STXBP5L: variants seen among roughly 807,000 people sequenced by gnomAD.
STXBP5L encodes the protein syntaxin-binding protein 5-like.
STXBP5L carries 65 observed loss-of-function variants against 144.5 expected under a neutral mutation model. That is an observed-to-expected ratio of 0.45 (90% CI 0.37 to 0.55). The LOEUF (loss-of-function observed/expected upper bound fraction) is 0.55, where lower values mean the gene tolerates loss of function less well. Among genes scored for constraint, STXBP5L ranks in the 20% least tolerant of loss-of-function variants. The pLI is 0.00. For synonymous variants in STXBP5L, 505 were observed against 469.6 expected, an observed-to-expected ratio of 1.08 and a Z score of -0.97; for missense variants, 1,298 against 1,405.5, an observed-to-expected ratio of 0.92 and a Z score of 1.22.
intron 3 of STXBP5L, among the ~76,000 whole-genome samples, chr3:121,002,913 C>T (rs1180940239): frequency 1.1e-4 from 17 of 152,114 alleles, no homozygotes; most frequent in Admixed American, 1.1e-3. Context: ...GCATAGTATT[C>T]CATGGTGTAT....
intron 3 of STXBP5L, among the ~76,000 whole-genome samples, chr3:120,965,984 C>G (rs138402500): frequency 8.2e-4 from 125 of 152,052 alleles, no homozygotes; most frequent in African/African-American, 2.7e-3. Context: ...TCTTTTCACT[C>G]TTTTTTTTCT....
intron 5 of STXBP5L, among the ~76,000 whole-genome samples, chr3:121,074,894 GA>G (rs1437530967): frequency 2.6e-5 from 4 of 152,178 alleles, no homozygotes; most frequent in African/African-American, 9.7e-5. Context: ...ACATCTTGTA[GA>G]TTTGAAGTAA....
chr3:121,084,639 A>C (rs2042403436), intron 5 of STXBP5L, among the ~76,000 whole-genome samples: 1 of 151,956 alleles, frequency 6.6e-6, no homozygotes, highest in African/African-American at 2.4e-5. Context: ...CCATGTCTTT[A>C]CTCTTATGAA....
chr3:121,121,015 G>C (rs1378859674), intron 6 of STXBP5L, among the ~76,000 whole-genome samples: 1 of 151,154 alleles, frequency 6.6e-6, no homozygotes, highest in Non-Finnish European at 1.5e-5. Flanking sequence ...GATAGAGAGA[G>C]CCCAGGTCTT....
chr3:121,073,707 C>G (rs938856721), intron 5 of STXBP5L, among the ~76,000 whole-genome samples: 2 of 152,132 alleles, frequency 1.3e-5, no homozygotes. Context: ...AGGGATTCTT[C>G]CCCCCTGCCC....
At chr3:121,334,289 G>C (rs1242114504) in intron 20 of STXBP5L, among the ~76,000 whole-genome samples, 2 of 152,018 alleles carry the variant, frequency 1.3e-5, no homozygotes, top group Non-Finnish European at 2.9e-5. Context: ...AGGTCCAGAA[G>C]GATTCATGGC....
rs957849660 is a variant in STXBP5L at position 121,421,874 on chromosome 3, G to A, written c.*2777G>A. 1.3e-5 allele frequency: 2 copies of A among 152,160 alleles called. No homozygotes were observed. Among genetic ancestry groups the A allele is most frequent in the African/African-American group, 4.8e-5 (2 of 41,442 alleles). 9.4% of individuals were successfully genotyped at this position (152,160 alleles called of 1,614,324 possible). ...AATGCTTGAAAAGAAAAGGCTCTTT[G>A]AAGTAGTTAAAACGTGTCTTTCAAA... On this transcript the variant is annotated 3_prime_UTR_variant, in exon 27 of 27. Coordinates refer to ENST00000471454, the MANE Select transcript of STXBP5L (RefSeq NM_001308330.2).
intron 2 of STXBP5L, among the ~76,000 whole-genome samples, chr3:120,936,459 A>C (rs141106127): frequency 6.6e-6 from 1 of 152,240 alleles, no homozygotes; most frequent in African/African-American, 2.4e-5. Context: ...GTTTGAGATT[A>C]TGTTTATCTG....
At chr3:121,119,199 T>C (rs565700860) in intron 6 of STXBP5L, among the ~76,000 whole-genome samples, 99 of 151,652 alleles carry the variant, frequency 6.5e-4, no homozygotes, top group African/African-American at 2.4e-3. Context: ...ATTTGGACTT[T>C]TTGGTGAAAC....
chr3:121,142,624 A>T (rs969831211), intron 7 of STXBP5L, among the ~76,000 whole-genome samples: 2 of 152,000 alleles, frequency 1.3e-5, no homozygotes, highest in African/African-American at 4.8e-5. Flanking sequence ...ATAAATATAT[A>T]GAAATTAAAC....
chr3:121,138,451 G>A (rs1242864506), intron 7 of STXBP5L, among the ~76,000 whole-genome samples: 1 of 152,008 alleles, frequency 6.6e-6, no homozygotes, highest in Non-Finnish European at 1.5e-5. Context: ...AATAACCAAA[G>A]CAGTCTTGAC....
intron 5 of STXBP5L, among the ~76,000 whole-genome samples, chr3:121,057,985 T>G (rs1948578251): frequency 6.6e-6 from 1 of 152,164 alleles, no homozygotes; most frequent in African/African-American, 2.4e-5. Flanking sequence ...TTTTAAAAAT[T>G]TTTTATTATA....
At chr3:121,385,836 C>T (rs1410706500) in intron 22 of STXBP5L, among the ~76,000 whole-genome samples, 1 of 152,014 alleles carries the variant, frequency 6.6e-6, no homozygotes, top group African/African-American at 2.4e-5. Context: ...TCCATTTCTC[C>T]ATTGAAGAAC....
intron 3 of STXBP5L, among the ~76,000 whole-genome samples, chr3:120,984,544 G>T (rs1438195424): frequency 2.0e-5 from 3 of 148,734 alleles, no homozygotes; most frequent in Non-Finnish European, 3.0e-5. Context: ...AATCTTTAGG[G>T]TTTTACATAT....
intron 9 of STXBP5L, among the ~76,000 whole-genome samples, chr3:121,179,293 A>G (rs2047050439): frequency 1.3e-5 from 2 of 152,098 alleles, no homozygotes; most frequent in South Asian, 2.1e-4. Context: ...AAGCCAGTGC[A>G]CAGAGACTTT....
intron 2 of STXBP5L, among the ~76,000 whole-genome samples, chr3:120,935,723 G>A (rs1048040316): frequency 2.0e-5 from 3 of 151,946 alleles, no homozygotes; most frequent in African/African-American, 7.2e-5. Flanking sequence ...TTCCTGAAGA[G>A]AAATCTGATA....
In STXBP5L at chr3:121,302,903, C is replaced by A. The variant is rs551515005; in HGVS notation, c.2111-15572C>A. 3.9e-5 allele frequency among the ~76,000 whole-genome samples: 6 copies of A among 152,246 alleles called. No homozygotes were observed. In the South Asian group the frequency reaches 1.2e-3, roughly 32 times the overall value. Reference sequence around the variant, plus strand: ...ATTCAAGATGGATTAAAGACTTAAACATTAGACCTAAAACCATAAAAACCC... The same window carrying A: ...ATTCAAGATGGATTAAAGACTTAAAAATTAGACCTAAAACCATAAAAACCC... On this transcript the variant is annotated intron_variant, in intron 19 of 26. Coordinates refer to ENST00000471454, the MANE Select transcript of STXBP5L (RefSeq NM_001308330.2).
intron 22 of STXBP5L, among the ~76,000 whole-genome samples, chr3:121,406,914 G>C (rs2047005275): frequency 6.6e-6 from 1 of 151,868 alleles, no homozygotes; most frequent in Admixed American, 6.6e-5. Flanking sequence ...CGTGGGGTAG[G>C]AATCAGAAAA....
chr3:121,319,622 C>A (rs9834891), intron 20 of STXBP5L, among the ~76,000 whole-genome samples: 1 of 152,032 alleles, frequency 6.6e-6, no homozygotes, highest in Admixed American at 6.6e-5. Flanking sequence ...TATTTATTGC[C>A]TCATACCTAT....
Sources: allele counts gnomAD v4.1 joint callset (sites outside exome capture counted in the v4.1 genomes callset), GRCh38; gene constraint gnomAD v4.1.1; transcripts MANE v1.5; gene names NCBI Gene and HGNC (gene_info 2026-07-23, HGNC 2026-07-21).